MYO1D: variants seen among roughly 807,000 people sequenced by gnomAD.
MYO1D encodes myosin ID.
MYO1D carries 83 observed loss-of-function variants against 122.0 expected under a neutral mutation model. The observed-to-expected ratio is 0.68, with a 90% CI of 0.57 to 0.82. MYO1D has a LOEUF of 0.82. MYO1D is among the 40% of genes least tolerant of loss of function. The pLI is 0.00. For missense variants in MYO1D, 1,157 were observed against 1,269.5 expected (o/e 0.91, Z 1.35); for synonymous variants, 464 against 446.9 (o/e 1.04, Z -0.48).
Position 32,791,605 on chromosome 17 carries a change from TA to T in MYO1D, c.96-10822del, listed in dbSNP as rs552674553. Among the ~76,000 whole-genome samples, 459 of 152,036 alleles carry T rather than the reference TA, an allele frequency of 3.0e-3. 3 individuals are homozygous for T. The highest frequency in any genetic ancestry group is 0.011 in the African/African-American group (449 of 41,472). On this transcript the variant is annotated intron_variant, in intron 1 of 21. Transcript: ENST00000318217. ...TACAAAAAATAACTACATACATATA[TA>T]AAAATATACAAAGAGAAATTAAGAA... is the stretch of plus-strand genomic sequence containing the variant.
intron 16 of MYO1D, among the ~76,000 whole-genome samples, chr17:32,705,634 T>A (rs2089297812): frequency 1.3e-5 from 2 of 152,224 alleles, no homozygotes; most frequent in African/African-American, 4.8e-5. Flanking sequence ...TACATTTTTT[T>A]ATGCATCGGA....
chr17:32,874,677 C>T (rs2091213874), intron 1 of MYO1D, among the ~76,000 whole-genome samples: 1 of 152,048 alleles, frequency 6.6e-6, no homozygotes, highest in Non-Finnish European at 1.5e-5. Flanking sequence ...AATCCTAGTG[C>T]TTTGGGAGGC....
intron 14 of MYO1D, among the ~76,000 whole-genome samples, chr17:32,727,394 G>A (rs2150995780): frequency 6.6e-6 from 1 of 152,310 alleles, no homozygotes; most frequent in Non-Finnish European, 1.5e-5. Flanking sequence ...CCTAATACAG[G>A]AGTCACTAAG....
chr17:32,720,725 A>C (rs1042963983), intron 15 of MYO1D, among the ~76,000 whole-genome samples: 1 of 152,196 alleles, frequency 6.6e-6, no homozygotes, highest in African/African-American at 2.4e-5. Flanking sequence ...ATCAAGCAGC[A>C]AGTAAGTGGC....
rs2089873798 is a variant in MYO1D, at chr17:32,749,316, T to C, written c.1468-310A>G. Among the ~76,000 whole-genome samples the C allele has an allele frequency of 2.0e-5, 3 of 152,350 alleles. No homozygotes were observed. In the South Asian group the frequency reaches 6.2e-4, roughly 32 times the overall value. On this transcript the variant is annotated intron_variant, in intron 11 of 21. Transcript: ENST00000318217. ...AAGTGAATGATTCCCCTCTGTGCTT[T>C]CTTCTCTCCCCCAACTAGTTGGATG...
chr17:32,677,700 A>C (rs1457808583), intron 16 of MYO1D, among the ~76,000 whole-genome samples: 1 of 151,364 alleles, frequency 6.6e-6, no homozygotes, highest in Non-Finnish European at 1.5e-5. Context: ...TATAGTTTTT[A>C]ATATATGTCA....
intron 1 of MYO1D, among the ~76,000 whole-genome samples, chr17:32,781,623 A>G (rs2090239737): frequency 6.6e-6 from 1 of 152,136 alleles, no homozygotes; most frequent in Non-Finnish European, 1.5e-5. Flanking sequence ...GAAAAAATAT[A>G]GACAAATACA....
chr17:32,550,540 C>T, intron 21 of MYO1D, among the ~76,000 whole-genome samples: 1 of 152,134 alleles, frequency 6.6e-6, no homozygotes, highest in Non-Finnish European at 1.5e-5. Flanking sequence ...ATTAGTAAGG[C>T]CTCTATAATA....
chr17:32,757,368 G>A (rs958315583), intron 10 of MYO1D, among the ~76,000 whole-genome samples: 2 of 152,046 alleles, frequency 1.3e-5, no homozygotes, highest in Non-Finnish European at 2.9e-5. Context: ...AATGGGGTAG[G>A]GGTGCTACTG....
intron 21 of MYO1D, among the ~76,000 whole-genome samples, chr17:32,580,168 C>T (rs942904624): frequency 2.0e-5 from 3 of 151,958 alleles, no homozygotes; most frequent in Non-Finnish European, 4.4e-5. Flanking sequence ...GAGTTAAATC[C>T]TATCTTAAGG....
At chr17:32,540,170 C>G (rs1028212311) in intron 21 of MYO1D, among the ~76,000 whole-genome samples, 1 of 151,604 alleles carries the variant, frequency 6.6e-6, no homozygotes, top group African/African-American at 2.4e-5. Flanking sequence ...CATGATGAAA[C>G]CCCGTCTCCA....
At chr17:32,759,193 C>T (rs994869399) in intron 10 of MYO1D, among the ~76,000 whole-genome samples, 4 of 151,932 alleles carry the variant, frequency 2.6e-5, no homozygotes, top group African/African-American at 9.7e-5. Flanking sequence ...ATAGATAATT[C>T]TTATATAAAA....
At chr17:32,512,728 ACT>A (rs1909737649) in intron 21 of MYO1D, 1 of 152,096 alleles carries the variant, frequency 6.6e-6, no homozygotes, top group Non-Finnish European at 1.5e-5. Flanking sequence ...GCTGAAGGTG[ACT>A]CACCTGCTCA....
chr17:32,746,172 C>T (rs185254193), intron 12 of MYO1D, among the ~76,000 whole-genome samples: 3 of 152,258 alleles, frequency 2.0e-5, no homozygotes, highest in African/African-American at 7.2e-5. Context: ...GCTGTGCTGC[C>T]CATGGGTACT....
intron 21 of MYO1D, among the ~76,000 whole-genome samples, chr17:32,552,367 G>A (rs1318651765): frequency 1.4e-5 from 2 of 146,370 alleles, no homozygotes; most frequent in East Asian, 3.9e-4. Context: ...ATGAGCCACA[G>A]CCTGGCCTGC....
chr17:32,766,233 C>G (rs1249234298), intron 7 of MYO1D, among the ~76,000 whole-genome samples: 2 of 152,094 alleles, frequency 1.3e-5, no homozygotes, highest in East Asian at 3.8e-4. Flanking sequence ...GTGTTTGAGT[C>G]TATTTATATT....
chr17:32,594,317 GCA>G, intron 21 of MYO1D: 1 of 377,460 alleles, frequency 2.6e-6, no homozygotes, highest in East Asian at 3.8e-5. Flanking sequence ...AGTAAATTCT[GCA>G]CACTGAGAGA....
intron 19 of MYO1D, among the ~76,000 whole-genome samples, chr17:32,642,731 T>C (rs1351834246): frequency 1.3e-5 from 2 of 152,192 alleles, no homozygotes; most frequent in East Asian, 3.8e-4. Context: ...TCTCTGTCTG[T>C]TATTGGTGTA....
chr17:32,555,717 C>T (rs76623970), intron 21 of MYO1D, among the ~76,000 whole-genome samples: 7,611 of 152,252 alleles, frequency 0.05, 199 homozygotes, highest in Middle Eastern at 0.082. Context: ...CCATTCCAGA[C>T]CCTTGCCCAC....
Sources: gnomAD v4.1 joint callset for allele counts (sites outside exome capture counted in the v4.1 genomes callset) on GRCh38, gnomAD v4.1.1 for gene constraint, MANE v1.5 for transcripts, NCBI Gene and HGNC (gene_info 2026-07-23, HGNC 2026-07-21) for gene names.